Variants in SIN3B observed in about 807,000 individuals in gnomAD.
SIN3B encodes the protein SIN3 transcription regulator family member B.
Under a neutral mutation model 120.2 loss-of-function variants are expected in SIN3B, and 19 were observed. The observed-to-expected ratio is 0.16, with a 90% confidence interval of 0.11 to 0.23. The LOEUF (loss-of-function observed/expected upper bound fraction) is 0.23, where lower values mean the gene tolerates loss of function less well. SIN3B is among the 10% of genes least tolerant of loss of function. The pLI, the probability that SIN3B is intolerant of heterozygous loss-of-function variation, is 1.00. For synonymous variants in SIN3B, 654 were observed against 653.2 expected, an observed-to-expected ratio of 1.00 and a Z score of -0.02; for missense variants, 1,073 against 1,573.0, an observed-to-expected ratio of 0.68 and a Z score of 5.38.
intron 2 of SIN3B, 32 bp downstream of exon 2, chr19:16,829,929 A>AC (rs771270755): frequency 1.8e-5 from 27 of 1,500,846 alleles, no homozygotes; most frequent in Middle Eastern, 1.7e-4. Flanking sequence ...ACCTCAGGGG[A>AC]CCCCCCTGGG....
intron 5 of SIN3B, 114 bp downstream of exon 5, chr19:16,847,227 TC>T: frequency 1.7e-6 from 2 of 1,192,150 alleles, no homozygotes; most frequent in Non-Finnish European, 1.2e-6. Context: ...CACACTAGGG[TC>T]CCCCAGAAGC....
chr19:16,875,996 TGAGGTGGGGACTCCCGCAG>T, intron 14 of SIN3B, 40 bp from the exon 15 acceptor site: 3 of 1,500,966 alleles, frequency 2.0e-6, no homozygotes, highest in Non-Finnish European at 2.7e-6. Flanking sequence ...CCTCTGTGGG[TGAGGTGGGGACTCCCGCAG>T]GAGGCGGGGT....
Position 16,865,641 on chromosome 19 carries a change from C to T in SIN3B, c.1615C>T (p.Leu539=). 6.3e-7 allele frequency: 1 copy of T among 1,598,292 alleles called. No homozygotes were observed. Among genetic ancestry groups the T allele is most frequent in the South Asian group, 1.1e-5 (1 of 90,146 alleles). The change falls in exon 11 of 19, where the codon CTG becomes TTG. Residue 539 remains leucine, a synonymous_variant. Transcript: ENST00000248054. ...CCCTGTCACCGCTGTCCCCGTTGTC[C>T]TGAAAAGGTGCCCTGTGGCGTCCCG... ...KNPVTAVPVV[L]KRLKAKEEEW...
intron 3 of SIN3B, among the ~76,000 whole-genome samples, chr19:16,839,941 T>C (rs1971396143): frequency 1.3e-5 from 2 of 152,038 alleles, no homozygotes; most frequent in Admixed American, 1.3e-4. Context: ...GAGGCAAAGG[T>C]TGCAGTGAGC....
In SIN3B at chr19:16,879,634, G is replaced by C; in HGVS notation, c.*907G>C. The C allele has an allele frequency of 6.6e-6, 1 of 152,238 alleles. No individual in the cohort carries two copies. The highest frequency in any genetic ancestry group is 1.9e-4 in the East Asian group (1 of 5,200). 9.4% of individuals were successfully genotyped at this position (152,238 alleles called of 1,614,324 possible). On this transcript the variant is annotated 3_prime_UTR_variant, in exon 19 of 19. Coordinates refer to ENST00000248054, the MANE Select transcript of SIN3B (RefSeq NM_001297595.2). Reference sequence around the variant, plus strand: ...CTGAGATCTCCCTTTGTGGAACTCCGAGAGCCGCCCTGACAGTCCCAGCCG... The same window carrying C: ...CTGAGATCTCCCTTTGTGGAACTCCCAGAGCCGCCCTGACAGTCCCAGCCG...
At chr19:16,839,547 A>G (rs753029282) in intron 3 of SIN3B, among the ~76,000 whole-genome samples, 1 of 152,106 alleles carries the variant, frequency 6.6e-6, no homozygotes, top group Non-Finnish European at 1.5e-5. Flanking sequence ...GGGGGCTCGC[A>G]GTGAGCCTAC....
chr19:16,858,672 G>A (rs796379532), intron 8 of SIN3B, among the ~76,000 whole-genome samples: 1 of 152,224 alleles, frequency 6.6e-6, no homozygotes, highest in African/African-American at 2.4e-5. Flanking sequence ...GACCAAGGCC[G>A]GGCCTGGTGG....
In SIN3B at chr19:16,869,450, C is replaced by T; in HGVS notation, c.1807-10C>T. On this transcript the variant is annotated splice_polypyrimidine_tract_variant and intron_variant, in intron 12 of 18. Transcript: ENST00000248054. ...GGCTTTCCACCTAATGGCCGCCCTT[C>T]CCCCCACAGCACCAGGAGCAGCACT... The T allele has an allele frequency of 6.3e-7, 1 of 1,596,368 alleles. No homozygotes were observed. Among genetic ancestry groups the T allele is most frequent in the Non-Finnish European group, 8.6e-7 (1 of 1,167,984 alleles).
At chr19:16,857,521 G>A (rs1341929562) in intron 8 of SIN3B, among the ~76,000 whole-genome samples, 1 of 115,908 alleles carries the variant, frequency 8.6e-6, no homozygotes, top group East Asian at 2.6e-4. Flanking sequence ...AAAAATATGT[G>A]TGTGTGTGTG....
At chr19:16,832,219 A>T (rs1971287921) in intron 3 of SIN3B, among the ~76,000 whole-genome samples, 1 of 119,898 alleles carries the variant, frequency 8.3e-6, no homozygotes. Flanking sequence ...TTTTTTGGAG[A>T]CGGAGTCTGG....
At chr19:16,869,345 C>A in intron 12 of SIN3B, 115 bp from the exon 13 acceptor site, 1 of 1,361,870 alleles carries the variant, frequency 7.3e-7, no homozygotes, top group Non-Finnish European at 9.8e-7. Context: ...CCATCCTGCT[C>A]TGGGCAGCGC....
chr19:16,850,710 C>T (rs1008078745), intron 5 of SIN3B, among the ~76,000 whole-genome samples: 2 of 152,298 alleles, frequency 1.3e-5, no homozygotes, highest in South Asian at 2.1e-4. Flanking sequence ...AGAAAAGCTG[C>T]GGTCTGTCCA....
intron 10 of SIN3B, among the ~76,000 whole-genome samples, chr19:16,864,462 G>A (rs1269958880): frequency 5.3e-5 from 8 of 150,502 alleles, no homozygotes; most frequent in Non-Finnish European, 1.2e-4. Context: ...CTGAGTAACT[G>A]GAACCACAAG....
intron 16 of SIN3B, 82 bp from the exon 17 acceptor site, chr19:16,877,463 C>A: frequency 9.8e-7 from 1 of 1,020,314 alleles, no homozygotes; most frequent in Non-Finnish European, 1.5e-6. Flanking sequence ...CCCCTGTGAG[C>A]TCCTGAACTC....
intron 12 of SIN3B, among the ~76,000 whole-genome samples, chr19:16,866,932 T>G (rs1252393099): frequency 6.6e-6 from 1 of 152,148 alleles, no homozygotes; most frequent in Non-Finnish European, 1.5e-5. Flanking sequence ...AATTTTTATA[T>G]TTTTAGTAGA....
intron 3 of SIN3B, among the ~76,000 whole-genome samples, chr19:16,834,055 C>T (rs1971314159): frequency 6.6e-6 from 1 of 152,174 alleles, no homozygotes; most frequent in East Asian, 1.9e-4. Flanking sequence ...AACTTGGAAG[C>T]GTGTGGCCAC....
chr19:16,874,571 ATTTGG>A (rs1470714025), intron 14 of SIN3B, among the ~76,000 whole-genome samples: 2 of 102,030 alleles, frequency 2.0e-5, no homozygotes, highest in Middle Eastern at 9.8e-3. Context: ...ATTTGGTCTG[ATTTGG>A]TCTGGTCTGG....
At chr19:16,844,696 G>A (rs1226585526) in intron 4 of SIN3B, among the ~76,000 whole-genome samples, 1 of 152,256 alleles carries the variant, frequency 6.6e-6, no homozygotes, top group Non-Finnish European at 1.5e-5. Flanking sequence ...CCTAGAAAAA[G>A]ATAGGCACCG....
chr19:16,860,966 T>C (rs1441899681), intron 8 of SIN3B, among the ~76,000 whole-genome samples: 1 of 152,088 alleles, frequency 6.6e-6, no homozygotes, highest in African/African-American at 2.4e-5. Context: ...CCCAGGCTGG[T>C]CTCAAACTCT....
Sources: allele counts gnomAD v4.1 joint callset (sites outside exome capture counted in the v4.1 genomes callset), GRCh38; gene constraint gnomAD v4.1.1; transcripts MANE v1.5; gene names NCBI Gene and HGNC (gene_info 2026-07-23, HGNC 2026-07-21).